The following MYLK variants were observed in gnomAD, a reference collection of about 807,000 sequenced individuals.
MYLK encodes the protein myosin light chain kinase, smooth muscle.
MYLK carries 106 observed loss-of-function variants against 203.4 expected under a neutral mutation model. The ratio of observed to expected loss-of-function variants is 0.52; its 90% CI spans 0.45 to 0.61. The LOEUF (loss-of-function observed/expected upper bound fraction) is 0.61, where lower values mean the gene tolerates loss of function less well. MYLK is among the 20% of genes least tolerant of loss of function. MYLK has a pLI of 0.00. For missense variants in MYLK, 2,072 were observed against 2,442.3 expected (o/e 0.85, Z 3.20); for synonymous variants, 867 against 959.5 (o/e 0.90, Z 1.78).
At chr3:123,786,696 T>C (rs1403400529) in intron 4 of MYLK, among the ~76,000 whole-genome samples, 2 of 152,194 alleles carry the variant, frequency 1.3e-5, no homozygotes, top group Non-Finnish European at 2.9e-5. Flanking sequence ...AGGGGATGGA[T>C]ACCCCATTCT....
chr3:123,786,521 T>G (rs900972163), intron 4 of MYLK, among the ~76,000 whole-genome samples: 9 of 14,924 alleles, frequency 6.0e-4, no homozygotes, highest in East Asian at 2.5e-3. Flanking sequence ...AGTGGGAGGG[T>G]GGGGGTGGGG....
At chr3:123,783,988 A>G (rs1235163734) in intron 4 of MYLK, among the ~76,000 whole-genome samples, 1 of 152,228 alleles carries the variant, frequency 6.6e-6, no homozygotes, top group Non-Finnish European at 1.5e-5. Flanking sequence ...CTGGGCAGGA[A>G]ACACATGTAG....
chr3:123,674,137 T>C (rs781175824), intron 20 of MYLK, among the ~76,000 whole-genome samples: 1 of 152,142 alleles, frequency 6.6e-6, no homozygotes, highest in Non-Finnish European at 1.5e-5. Flanking sequence ...CAGCCAAACG[T>C]GCAAAACCAA....
At chr3:123,870,483 CCT>C (rs1330203010) in intron 2 of MYLK, among the ~76,000 whole-genome samples, 1 of 152,228 alleles carries the variant, frequency 6.6e-6, no homozygotes, top group Non-Finnish European at 1.5e-5. Flanking sequence ...TGGCCCTACC[CCT>C]GAGAAGCTCA....
chr3:123,669,243 A>C (rs1399249807), intron 20 of MYLK, among the ~76,000 whole-genome samples: 4 of 152,136 alleles, frequency 2.6e-5, no homozygotes, highest in Admixed American at 6.5e-5. Context: ...CCTCTGGCTC[A>C]TTGTCATCAT....
At chr3:123,635,189 C>T (rs2058593996) in intron 29 of MYLK, among the ~76,000 whole-genome samples, 1 of 152,196 alleles carries the variant, frequency 6.6e-6, no homozygotes, top group Non-Finnish European at 1.5e-5. Context: ...AGGGACTGCC[C>T]GACAGATGAC....
chr3:123,790,628 G>T (rs1040325761), intron 4 of MYLK, among the ~76,000 whole-genome samples: 3 of 152,190 alleles, frequency 2.0e-5, no homozygotes, highest in African/African-American at 7.2e-5. Context: ...CTAAAAACAG[G>T]CATAAAAAGG....
At chr3:123,755,785 A>G (rs1312709256) in intron 4 of MYLK, among the ~76,000 whole-genome samples, 3 of 152,084 alleles carry the variant, frequency 2.0e-5, no homozygotes, top group Admixed American at 2.0e-4. Flanking sequence ...ATCTTCATCA[A>G]GAGCCAGTAA....
chr3:123,793,922 C>T, intron 3 of MYLK, 78 bp from the exon 4 acceptor site: 1 of 1,548,356 alleles, frequency 6.5e-7, no homozygotes, highest in Non-Finnish European at 8.9e-7. Context: ...TCAGGTGTGT[C>T]CAGTCTGGAG....
chr3:123,784,321 C>T (rs936223335), intron 4 of MYLK, among the ~76,000 whole-genome samples: 3 of 151,858 alleles, frequency 2.0e-5, no homozygotes, highest in Admixed American at 2.0e-4. Context: ...TTTGAGAACA[C>T]CACTGGCCAA....
chr3:123,690,190 G>T (rs1442511218), intron 19 of MYLK, among the ~76,000 whole-genome samples: 1 of 152,168 alleles, frequency 6.6e-6, no homozygotes, highest in Non-Finnish European at 1.5e-5. Flanking sequence ...ATGAAGGCCT[G>T]GTTCTATGCA....
At chr3:123,639,777 C>A (rs2108105341) in intron 28 of MYLK, among the ~76,000 whole-genome samples, 1 of 152,280 alleles carries the variant, frequency 6.6e-6, no homozygotes, top group Admixed American at 6.5e-5. Context: ...TATTGTGAAC[C>A]TTTGTTTCCT....
intron 4 of MYLK, among the ~76,000 whole-genome samples, chr3:123,761,377 G>A (rs928988355): frequency 2.6e-5 from 4 of 152,126 alleles, no homozygotes; most frequent in African/African-American, 9.7e-5. Flanking sequence ...CTCCACGTTG[G>A]GTCAGAATCC....
intron 4 of MYLK, among the ~76,000 whole-genome samples, chr3:123,786,221 C>CG (rs1299533211): frequency 6.6e-5 from 10 of 150,946 alleles, no homozygotes; most frequent in Non-Finnish European, 1.3e-4. Flanking sequence ...GAGTGTCGCT[C>CG]GAACCTGGGA....
chr3:123,625,852 A>G (rs2058122584), intron 31 of MYLK, among the ~76,000 whole-genome samples: 1 of 152,222 alleles, frequency 6.6e-6, no homozygotes, highest in African/African-American at 2.4e-5. Context: ...GGTAATAAAA[A>G]TGATAAAATA....
Position 123,742,702 on chromosome 3 carries a change from A to T in MYLK, c.374-2701T>A, listed in dbSNP as rs1280053978. ...ACTGTATCACTCATTTCATCTGGGAATAAAGATTTTATAAAAATTAGACTG... is the reference window on the plus strand; with the variant it reads ...ACTGTATCACTCATTTCATCTGGGATTAAAGATTTTATAAAAATTAGACTG... On this transcript the variant is annotated intron_variant, in intron 5 of 33. Coordinates refer to ENST00000360304, the MANE Select transcript of MYLK (RefSeq NM_053025.4). 3.3e-5 allele frequency among the ~76,000 whole-genome samples: 5 copies of T among 152,092 alleles called. No individual in the cohort carries two copies. The East Asian group carries it at 7.7e-4, about 23-fold the overall frequency.
intron 30 of MYLK, among the ~76,000 whole-genome samples, chr3:123,628,301 A>G (rs1010865378): frequency 1.3e-5 from 2 of 152,144 alleles, no homozygotes; most frequent in Non-Finnish European, 2.9e-5. Context: ...TTCAGCAACT[A>G]ACTGTGCCTT....
intron 2 of MYLK, among the ~76,000 whole-genome samples, chr3:123,870,918 G>A (rs1179030748): frequency 1.3e-5 from 2 of 152,122 alleles, no homozygotes; most frequent in African/African-American, 4.8e-5. Context: ...CAACAAAACT[G>A]CAGGAACTCC....
chr3:123,673,453 C>T (rs914178172), intron 20 of MYLK, among the ~76,000 whole-genome samples: 3 of 152,178 alleles, frequency 2.0e-5, no homozygotes, highest in South Asian at 4.2e-4. Flanking sequence ...CCCACTCCCC[C>T]GCTCTCTGAA....
Sources: gnomAD v4.1 joint callset for allele counts (sites outside exome capture counted in the v4.1 genomes callset) on GRCh38, gnomAD v4.1.1 for gene constraint, MANE v1.5 for transcripts, NCBI Gene and HGNC (gene_info 2026-07-23, HGNC 2026-07-21) for gene names.